Variants in ZNF423 observed in about 807,000 individuals in gnomAD.
The protein encoded by ZNF423 is zinc finger protein 423.
A neutral mutation model predicts 95.8 loss-of-function variants in ZNF423; 12 were observed. The ratio of observed to expected loss-of-function variants is 0.13; its 90% CI spans 0.08 to 0.20. The LOEUF (loss-of-function observed/expected upper bound fraction) is 0.20. Among genes scored for constraint, ZNF423 ranks in the 10% least tolerant of loss-of-function variants. ZNF423 has a pLI of 1.00. For missense variants in ZNF423, 1,316 were observed against 1,737.1 expected (o/e 0.76, Z 4.31); for synonymous variants, 749 against 711.9 (o/e 1.05, Z -0.83).
At chr16:49,728,037 G>A (rs764738290) in intron 3 of ZNF423, among the ~76,000 whole-genome samples, 28 of 152,192 alleles carry the variant, frequency 1.8e-4, no homozygotes, top group Middle Eastern at 3.4e-3. Context: ...GAATCGCTCC[G>A]ACTGGACTGG....
chr16:49,545,977 T>C (rs1969425024), intron 5 of ZNF423, among the ~76,000 whole-genome samples: 1 of 152,222 alleles, frequency 6.6e-6, no homozygotes, highest in Non-Finnish European at 1.5e-5. Context: ...GCTAACTTCC[T>C]TACCATTATT....
At chr16:49,656,636 A>G (rs1344931501) in intron 3 of ZNF423, among the ~76,000 whole-genome samples, 1 of 152,234 alleles carries the variant, frequency 6.6e-6, no homozygotes, top group Non-Finnish European at 1.5e-5. Flanking sequence ...GCTTAGACCA[A>G]CTGGCGACAC....
At chr16:49,758,601 G>C (rs1370078904) in intron 2 of ZNF423, among the ~76,000 whole-genome samples, 1 of 152,022 alleles carries the variant, frequency 6.6e-6, no homozygotes, top group African/African-American at 2.4e-5. Flanking sequence ...AAATATCCAG[G>C]CATGGTGGCA....
At chr16:49,584,201 G>A (rs1294421233) in intron 5 of ZNF423, among the ~76,000 whole-genome samples, 1 of 152,202 alleles carries the variant, frequency 6.6e-6, no homozygotes, top group Non-Finnish European at 1.5e-5. Context: ...CCTCTGTGGA[G>A]CCCATTTCAA....
At chr16:49,669,202 A>ATG (rs1275329089) in intron 3 of ZNF423, among the ~76,000 whole-genome samples, 8 of 151,846 alleles carry the variant, frequency 5.3e-5, no homozygotes, top group Admixed American at 3.9e-4. Context: ...GGTGGCGCAC[A>ATG]CCTGTAATCC....
At chr16:49,710,891 C>G (rs752865708) in intron 3 of ZNF423, among the ~76,000 whole-genome samples, 16 of 152,274 alleles carry the variant, frequency 1.1e-4, no homozygotes, top group Non-Finnish European at 2.2e-4. Flanking sequence ...TGTGCCCCAC[C>G]CCCAGGCTTC....
chr16:49,746,301 G>T (rs2033523305), intron 2 of ZNF423, among the ~76,000 whole-genome samples: 2 of 152,082 alleles, frequency 1.3e-5, no homozygotes, highest in South Asian at 4.2e-4. Context: ...GCAGCTTCCT[G>T]TGAGAGCGGG....
chr16:49,854,720 C>T lies in ZNF423; in HGVS notation c.40+1015G>A, dbSNP rs1016865346. 1.9e-4 allele frequency: 185 copies of T among 985,476 alleles called. No individual in the cohort carries two copies. In the African/African-American group the frequency reaches 3.1e-3, roughly 16 times the overall value. 61.0% of individuals were successfully genotyped at this position (985,476 alleles called of 1,614,324 possible). A position where few individuals can be genotyped will look rare whatever the true frequency, so the allele number is the denominator to read the frequency against. ...CGGGGAGAGGAGGCCAGGGGAGGGG[C>T]TCTGCTGCCGGCGCGCGGCCTTTCC... On this transcript the variant is annotated intron_variant, in intron 1 of 7. Transcript: ENST00000563137.
At chr16:49,842,871 C>T (rs547218755) in intron 1 of ZNF423, among the ~76,000 whole-genome samples, 4 of 150,772 alleles carry the variant, frequency 2.7e-5, no homozygotes, top group East Asian at 3.9e-4. Context: ...CCCAGCTACT[C>T]GGGAGGCTGA....
chr16:49,804,889 A>G (rs2034637567), intron 1 of ZNF423, among the ~76,000 whole-genome samples: 1 of 134,208 alleles, frequency 7.5e-6, no homozygotes, highest in Admixed American at 8.0e-5. Flanking sequence ...CTGATCCCAC[A>G]GCTTTTTTTT....
At chr16:49,543,382 T>A (rs1326040511) in intron 5 of ZNF423, among the ~76,000 whole-genome samples, 1 of 151,774 alleles carries the variant, frequency 6.6e-6, no homozygotes, top group African/African-American at 2.4e-5. Flanking sequence ...GCCAGCCCCA[T>A]CTCCGTGCCC....
intron 3 of ZNF423, among the ~76,000 whole-genome samples, chr16:49,646,574 CTTTTTTTTT>C (rs71380366): frequency 8.5e-6 from 1 of 118,010 alleles, no homozygotes; most frequent in East Asian, 2.4e-4. Context: ...TTTTCTTTTT[CTTTTTTTTT>C]TTTTTGAGAA....
intron 7 of ZNF423, among the ~76,000 whole-genome samples, chr16:49,523,190 T>C (rs1968467767): frequency 6.6e-6 from 1 of 152,178 alleles, no homozygotes; most frequent in African/African-American, 2.4e-5. Context: ...TCTTCTTTTC[T>C]GGCTTTTATG....
intron 5 of ZNF423, among the ~76,000 whole-genome samples, chr16:49,528,023 G>T (rs1398071270): frequency 1.3e-5 from 2 of 152,146 alleles, no homozygotes; most frequent in East Asian, 3.9e-4. Flanking sequence ...TGCAGGAGGG[G>T]CTTGGAAATA....
upstream of ZNF423, among the ~76,000 whole-genome samples, chr16:49,859,064 G>A (rs889417564): frequency 6.6e-6 from 1 of 152,200 alleles, no homozygotes; most frequent in Admixed American, 6.5e-5. Flanking sequence ...TGCCCAGCCG[G>A]GAGTCTGGAG....
intron 3 of ZNF423, among the ~76,000 whole-genome samples, chr16:49,644,481 C>T (rs1269657687): frequency 6.8e-6 from 1 of 147,778 alleles, no homozygotes; most frequent in Non-Finnish European, 1.5e-5. Context: ...ATAGCAAGAC[C>T]CTGTCTCTTA....
chr16:49,645,040 C>T (rs1161609207), intron 3 of ZNF423, among the ~76,000 whole-genome samples: 1 of 152,200 alleles, frequency 6.6e-6, no homozygotes, highest in African/African-American at 2.4e-5. Flanking sequence ...CTCCAACCAT[C>T]AAGACCATCT....
At chr16:49,769,091 C>G (rs1413943450) in intron 2 of ZNF423, among the ~76,000 whole-genome samples, 3 of 152,210 alleles carry the variant, frequency 2.0e-5, no homozygotes, top group African/African-American at 7.2e-5. Flanking sequence ...AACTTGGGCA[C>G]ATGCCTGTAA....
intron 1 of ZNF423, among the ~76,000 whole-genome samples, chr16:49,842,770 T>C (rs147944621): frequency 6.3e-4 from 96 of 152,174 alleles, no homozygotes; most frequent in African/African-American, 2.1e-3. Context: ...GGTCAAGAGA[T>C]TGAGACCATC....
Sources: allele counts gnomAD v4.1 joint callset (sites outside exome capture counted in the v4.1 genomes callset), GRCh38; gene constraint gnomAD v4.1.1; transcripts MANE v1.5; gene names NCBI Gene and HGNC (gene_info 2026-07-23, HGNC 2026-07-21).